The following ADCK1 variants were observed in gnomAD, a reference collection of about 807,000 sequenced individuals.
ADCK1 encodes the protein aarF domain containing kinase 1, also known as aarF domain-containing protein kinase 1.
ADCK1 carries 41 observed loss-of-function variants against 52.3 expected under a neutral mutation model. The observed-to-expected ratio is 0.78, with a 90% CI of 0.61 to 1.02. ADCK1 has a LOEUF of 1.02. ADCK1 is among the 50% of genes least tolerant of loss of function. ADCK1 has a pLI of 0.00. For synonymous variants in ADCK1, 250 were observed against 274.6 expected (o/e 0.91, Z 0.89); for missense variants, 658 against 679.5 (o/e 0.97, Z 0.35).
Position 77,894,736 on chromosome 14 carries a change from G to GTTTTTTTTTTTTTTT in ADCK1, c.583-4350_583-4336dup. Among the ~76,000 whole-genome samples, 213 of 36,460 alleles carry GTTTTTTTTTTTTTTT rather than the reference G, an allele frequency of 5.8e-3. 44 individuals carry two copies. The highest frequency in any genetic ancestry group is 9.1e-3 in the Non-Finnish European group (154 of 16,922). The allele number at this position is 36,460 out of a possible 152,430, so 23.9% of individuals were successfully genotyped here. ...TTATTTCTTTTTCTTTTCTTTTCTTGTTTTTTTTTTTTTTTTTTTTTTTTT... is the reference window on the plus strand; with the variant it reads ...TTATTTCTTTTTCTTTTCTTTTCTTGTTTTTTTTTTTTTTTTTTTTTTTTTTTTTTTTTTTTTTTT... On this transcript the variant is annotated intron_variant, in intron 5 of 10. Transcript: ENST00000238561.
At chr14:77,833,877 A>G (rs891485356) in intron 3 of ADCK1, among the ~76,000 whole-genome samples, 3 of 152,210 alleles carry the variant, frequency 2.0e-5, no homozygotes, top group Non-Finnish European at 4.4e-5. Flanking sequence ...CCTAGGGACC[A>G]TGGCCAACAC....
intron 4 of ADCK1, 53 bp from the exon 5 acceptor site, chr14:77,887,038 C>T (rs2083170418): frequency 6.7e-7 from 1 of 1,492,324 alleles, no homozygotes; most frequent in Non-Finnish European, 8.9e-7. Flanking sequence ...CTGGCTCCCT[C>T]TCACTGAACT....
intron 4 of ADCK1, among the ~76,000 whole-genome samples, chr14:77,864,279 T>G (rs968000806): frequency 9.2e-5 from 14 of 152,196 alleles, no homozygotes; most frequent in African/African-American, 3.1e-4. Context: ...GAGGGCAGCT[T>G]GTCTTGTTTG....
chr14:77,869,580 A>G (rs759711607), intron 4 of ADCK1, among the ~76,000 whole-genome samples: 81 of 152,364 alleles, frequency 5.3e-4, no homozygotes, highest in Non-Finnish European at 1.1e-3. Flanking sequence ...GGACTTCCAC[A>G]TATGAATATT....
chr14:77,825,287 C>CCA (rs1401271649), intron 3 of ADCK1, among the ~76,000 whole-genome samples: 1 of 152,194 alleles, frequency 6.6e-6, no homozygotes, highest in Non-Finnish European at 1.5e-5. Flanking sequence ...CTGTATCCTG[C>CCA]CACCTCCCTA....
At chr14:77,803,160 A>G (rs558642854) in intron 1 of ADCK1, among the ~76,000 whole-genome samples, 2 of 152,132 alleles carry the variant, frequency 1.3e-5, no homozygotes, top group African/African-American at 2.4e-5. Flanking sequence ...TGAAGACCCT[A>G]TCACTCTCTC....
At chr14:77,903,338 G>A (rs1274156218) in intron 6 of ADCK1, among the ~76,000 whole-genome samples, 1 of 152,208 alleles carries the variant, frequency 6.6e-6, no homozygotes, top group Non-Finnish European at 1.5e-5. Context: ...ACTGGCTCCC[G>A]ATCACAACAT....
chr14:77,924,730 C>A, intron 8 of ADCK1, 124 bp downstream of exon 8: 2 of 1,312,716 alleles, frequency 1.5e-6, no homozygotes, highest in East Asian at 2.5e-5. Context: ...TTCCCTCTCC[C>A]TTGGAGCTGT....
chr14:77,819,245 C>T, intron 2 of ADCK1, 132 bp downstream of exon 2: 1 of 1,284,108 alleles, frequency 7.8e-7, no homozygotes, highest in South Asian at 1.4e-5. Context: ...GCAAAAGCTA[C>T]ATCTGCACAG....
At chr14:77,889,951 T>TG (rs1457750689) in intron 5 of ADCK1, among the ~76,000 whole-genome samples, 1 of 149,366 alleles carries the variant, frequency 6.7e-6, no homozygotes, top group East Asian at 2.0e-4. Context: ...TGCAAAACAT[T>TG]GGGGGGTGAG....
intron 3 of ADCK1, among the ~76,000 whole-genome samples, chr14:77,837,089 AG>A (rs2081976241): frequency 6.6e-6 from 1 of 151,714 alleles, no homozygotes; most frequent in African/African-American, 2.4e-5. Flanking sequence ...GTTTTTAATA[AG>A]GACAACTGTC....
intron 8 of ADCK1, 80 bp from the exon 9 acceptor site, chr14:77,925,684 A>G: frequency 7.0e-7 from 1 of 1,433,862 alleles, no homozygotes; most frequent in South Asian, 1.2e-5. Flanking sequence ...CGTCTTTTGC[A>G]ATGGTTGGCA....
chr14:77,814,772 G>A (rs2081408843), intron 1 of ADCK1, among the ~76,000 whole-genome samples: 1 of 150,086 alleles, frequency 6.7e-6, no homozygotes, highest in South Asian at 2.1e-4. Context: ...CAAATCACTT[G>A]TTATCTTATT....
intron 4 of ADCK1, among the ~76,000 whole-genome samples, chr14:77,875,287 G>A (rs2082873576): frequency 6.6e-6 from 1 of 152,138 alleles, no homozygotes; most frequent in Non-Finnish European, 1.5e-5. Context: ...GTTCTGGCAT[G>A]GACGGTGGTG....
At chr14:77,871,120 A>G (rs1594979990) in intron 4 of ADCK1, among the ~76,000 whole-genome samples, 1 of 152,222 alleles carries the variant, frequency 6.6e-6, no homozygotes, top group Non-Finnish European at 1.5e-5. Flanking sequence ...CCTAAAAACA[A>G]ACAATAATTT....
chr14:77,924,330 C>A, intron 7 of ADCK1, 127 bp from the exon 8 acceptor site: 1 of 1,265,258 alleles, frequency 7.9e-7, no homozygotes, highest in Non-Finnish European at 1.1e-6. Context: ...ACTCCCACCA[C>A]AACCGCTCCG....
chr14:77,878,508 T>C (rs1011770465), intron 4 of ADCK1, among the ~76,000 whole-genome samples: 3 of 152,210 alleles, frequency 2.0e-5, no homozygotes, highest in Non-Finnish European at 2.9e-5. Context: ...AGGCTTGCAG[T>C]GCTGGGTGCA....
chr14:77,850,717 A>G (rs573834273), intron 3 of ADCK1, among the ~76,000 whole-genome samples: 1 of 141,330 alleles, frequency 7.1e-6, no homozygotes, highest in Non-Finnish European at 1.5e-5. Flanking sequence ...GTGGCGCAAT[A>G]TCTGCTCACT....
At chr14:77,855,666 G>A (rs2140129232) in intron 3 of ADCK1, among the ~76,000 whole-genome samples, 1 of 152,288 alleles carries the variant, frequency 6.6e-6, no homozygotes, top group Middle Eastern at 3.4e-3. Context: ...ATTTCTTGGG[G>A]ATGAGGGGTT....
Sources: allele counts gnomAD v4.1 joint callset (sites outside exome capture counted in the v4.1 genomes callset), GRCh38; gene constraint gnomAD v4.1.1; transcripts MANE v1.5; gene names NCBI Gene and HGNC (gene_info 2026-07-23, HGNC 2026-07-21).